Variants in PRPS1 observed in about 807,000 individuals in gnomAD.
PRPS1 encodes ribose-phosphate pyrophosphokinase 1.
In PRPS1, 1 loss-of-function variant was observed where a neutral mutation model predicts 16.9. The ratio of observed to expected loss-of-function variants is 0.06; its 90% CI spans 0.02 to 0.28. PRPS1 has a LOEUF of 0.28. Ranked by LOEUF, PRPS1 falls within the 10% of genes least tolerant of loss-of-function variation. The pLI is 1.00. For synonymous variants in PRPS1, 70 were observed against 90.2 expected (o/e 0.78, Z 1.27); for missense variants, 47 against 254.0 (o/e 0.19, Z 5.54).
chrX:107,630,039 A>T (rs1314216813), intron 1 of PRPS1: 1 of 112,322 alleles, frequency 8.9e-6, no homozygotes, highest in East Asian at 2.8e-4. Flanking sequence ...AAGTAATGTC[A>T]CCGATAATGG....
intron 2 of PRPS1, among the ~76,000 whole-genome samples, chrX:107,640,344 C>CAAAA (rs759522021): frequency 4.1e-5 from 1 of 24,652 alleles, no homozygotes; most frequent in African/African-American, 1.1e-4. Flanking sequence ...TCTGTCTCTA[C>CAAAA]AAAAAAAAAA....
intron 1 of PRPS1, among the ~76,000 whole-genome samples, chrX:107,638,716 C>T (rs1270481391): frequency 4.5e-5 from 5 of 110,022 alleles, no homozygotes; most frequent in Non-Finnish European, 9.5e-5. Context: ...ATGCCAGGCC[C>T]TCCCATATAT....
At chrX:107,639,953 A>G (rs113432416) in intron 2 of PRPS1, among the ~76,000 whole-genome samples, 1,277 of 112,898 alleles carry the variant, frequency 0.011, 20 homozygotes, top group African/African-American at 0.037. Context: ...AGGCATATAC[A>G]TAAAACTTTG....
rs767035067 is a variant in PRPS1 at position 107,645,160 on chromosome X, C to T, written c.531-17C>T. On this transcript the variant is annotated splice_polypyrimidine_tract_variant and intron_variant, in intron 4 of 6. Coordinates refer to ENST00000372435, the MANE Select transcript of PRPS1 (RefSeq NM_002764.4). The stretch of plus-strand genomic sequence containing the variant: ...CTTAGAAGCCACACATACATATGAA[C>T]ACGCTCTGTTTTGCAGAGTGACCTC... 8.3e-7 allele frequency: 1 copy of T among 1,209,927 alleles called. No individual in the cohort carries two copies. Among genetic ancestry groups the T allele is most frequent in the South Asian group, 1.8e-5 (1 of 56,891 alleles).
At chrX:107,645,404 G>A in intron 5 of PRPS1, 54 bp downstream of exon 5, 2 of 1,189,320 alleles carry the variant, frequency 1.7e-6, no homozygotes, top group South Asian at 1.8e-5. Context: ...AGCAATTGCT[G>A]TCTGAATGTC....
chrX:107,645,516 G>T (rs1275278300), intron 5 of PRPS1, among the ~76,000 whole-genome samples, 166 bp downstream of exon 5: 1 of 111,364 alleles, frequency 9.0e-6, no homozygotes, highest in African/African-American at 3.3e-5. Context: ...AAATTGTTGA[G>T]TACTCTTATT....
intron 1 of PRPS1, among the ~76,000 whole-genome samples, chrX:107,634,283 C>T (rs1263890023): frequency 9.0e-6 from 1 of 110,509 alleles, no homozygotes; most frequent in African/African-American, 3.3e-5. Context: ...GGCGCGATCT[C>T]GGTTCACTGC....
At chrX:107,649,789 A>G in intron 6 of PRPS1, 151 bp from the exon 7 acceptor site, 1 of 1,032,093 alleles carries the variant, frequency 9.7e-7, no homozygotes, top group Non-Finnish European at 1.3e-6. Context: ...GTTATGAAGA[A>G]TAGCTGAGTG....
intron 2 of PRPS1, 65 bp downstream of exon 2, chrX:107,639,543 AT>A: frequency 9.2e-7 from 1 of 1,086,608 alleles, no homozygotes; most frequent in South Asian, 1.9e-5. Flanking sequence ...TCACAAATAA[AT>A]TCCAAAATTA....
intron 1 of PRPS1, among the ~76,000 whole-genome samples, chrX:107,637,208 G>A (rs1023417383): frequency 9.0e-5 from 10 of 110,554 alleles, no homozygotes; most frequent in Non-Finnish European, 1.9e-5. Flanking sequence ...TGAAACTTTC[G>A]TGGTAAAATA....
intron 1 of PRPS1, among the ~76,000 whole-genome samples, chrX:107,635,975 A>G (rs1315315195): frequency 4.9e-5 from 5 of 101,107 alleles, no homozygotes; most frequent in Non-Finnish European, 9.9e-5. Flanking sequence ...CAGGAGAATC[A>G]CTTGAACCCG....
Position 107,640,960 on chromosome X carries a change from A to G in PRPS1, c.365A>G (p.Asp122Gly). Residue 122 changes from aspartate (D) to glycine (G), a missense_variant, in exon 3 of 7, where the codon GAT (aspartate) becomes GGT (glycine). Asp to Gly is a moderately conservative substitution (Grantham distance 94, BLOSUM62 -1). This residue lies in a region of PRPS1 where 19 missense variants were observed against 155.6 expected (regional missense o/e 0.12). Coordinates refer to ENST00000372435, the MANE Select transcript of PRPS1 (RefSeq NM_002764.4). ...AATATGCTATCTGTAGCAGGTGCAGATCATATTATCACCATGGACCTACAT... is the reference window on the plus strand; with the variant it reads ...AATATGCTATCTGTAGCAGGTGCAGGTCATATTATCACCATGGACCTACAT... ...VANMLSVAGA[D>G]HIITMDLHAS... 1.7e-6 allele frequency: 2 copies of G among 1,211,992 alleles called. No individual in the cohort carries two copies. The highest frequency in any genetic ancestry group is 1.7e-5 in the African/African-American group (1 of 57,819).
chrX:107,642,640 C>G (rs747278443), intron 4 of PRPS1, 150 bp downstream of exon 4: 2 of 699,976 alleles, frequency 2.9e-6, no homozygotes, highest in Non-Finnish European at 4.3e-6. Flanking sequence ...TATAGTTTTA[C>G]CCTTTCCTCT....
intron 3 of PRPS1, among the ~76,000 whole-genome samples, chrX:107,641,913 A>T (rs1925581847): frequency 8.9e-6 from 1 of 112,543 alleles, no homozygotes; most frequent in African/African-American, 3.2e-5. Flanking sequence ...CCTGATTTCT[A>T]ATTATTCACT....
At chrX:107,637,952 T>TA (rs1569438141) in intron 1 of PRPS1, among the ~76,000 whole-genome samples, 131 of 101,948 alleles carry the variant, frequency 1.3e-3, no homozygotes, top group African/African-American at 4.6e-3. Flanking sequence ...ATATATATAT[T>TA]TTTTTGATAT....
In PRPS1 at chrX:107,645,139, G is replaced by T. The variant is rs750541932; in HGVS notation, c.531-38G>T. ...TCTTTAGTCCATTTCTTTTGTCTTA[G>T]AAGCCACACATACATATGAACACGC... is the stretch of plus-strand genomic sequence containing the variant. On this transcript the variant is annotated intron_variant, in intron 4 of 6. Coordinates refer to ENST00000372435, the MANE Select transcript of PRPS1 (RefSeq NM_002764.4). 8.4e-5 allele frequency: 101 copies of T among 1,205,623 alleles called. 2 individuals are homozygous for T. In the South Asian group the frequency reaches 1.7e-3, roughly 20 times the overall value.
chrX:107,642,279 C>G, intron 3 of PRPS1, 87 bp from the exon 4 acceptor site: 1 of 1,152,302 alleles, frequency 8.7e-7, no homozygotes, highest in Non-Finnish European at 1.2e-6. Context: ...GTAAGACATT[C>G]TCTGAGCAAG....
intron 1 of PRPS1, among the ~76,000 whole-genome samples, chrX:107,633,921 C>T (rs1487066452): frequency 2.7e-5 from 3 of 110,577 alleles, no homozygotes; most frequent in Non-Finnish European, 5.7e-5. Context: ...AGTGAGATTC[C>T]GTCTCAAAAA....
chrX:107,633,611 G>T (rs1178134596), intron 1 of PRPS1, among the ~76,000 whole-genome samples: 1 of 110,871 alleles, frequency 9.0e-6, no homozygotes, highest in East Asian at 2.8e-4. Context: ...CTTATGTGAT[G>T]TTAGAATATG....
Sources: gnomAD v4.1 joint callset for allele counts (sites outside exome capture counted in the v4.1 genomes callset) on GRCh38, gnomAD v4.1.1 for gene constraint, gnomAD v4.1.1 regional missense constraint, MANE v1.5 for transcripts, NCBI Gene and HGNC (gene_info 2026-07-23, HGNC 2026-07-21) for gene names.